Variants in CACNB2 observed in about 807,000 individuals in gnomAD.
CACNB2 encodes the protein voltage-dependent L-type calcium channel subunit beta-2.
A neutral mutation model predicts 73.3 loss-of-function variants in CACNB2; 42 were observed. The observed-to-expected ratio is 0.57, with a 90% CI of 0.45 to 0.74. The LOEUF is 0.74. CACNB2 is among the 30% of genes least tolerant of loss of function. The probability of loss-of-function intolerance (pLI) is 0.00; values close to 1 mark genes in which losing one functional copy is unlikely to be tolerated. For synonymous variants in CACNB2, 348 were observed against 310.3 expected (o/e 1.12, Z -1.28); for missense variants, 940 against 853.0 (o/e 1.10, Z -1.27).
chr10:18,326,665 C>T (rs1435200560), intron 2 of CACNB2, among the ~76,000 whole-genome samples: 5 of 152,182 alleles, frequency 3.3e-5, no homozygotes, highest in Admixed American at 3.3e-4. Context: ...CAGTTTACCC[C>T]TCTGACCACA....
At chr10:18,393,728 A>G (rs1267416505) in intron 2 of CACNB2, among the ~76,000 whole-genome samples, 1 of 152,138 alleles carries the variant, frequency 6.6e-6, no homozygotes, top group Non-Finnish European at 1.5e-5. Flanking sequence ...AAAAACTTAA[A>G]TAGCCGGTGT....
chr10:18,258,269 T>C (rs2037368685), intron 2 of CACNB2, among the ~76,000 whole-genome samples: 1 of 152,206 alleles, frequency 6.6e-6, no homozygotes, highest in African/African-American at 2.4e-5. Flanking sequence ...AAAAATATCA[T>C]AGTTAATAAA....
At chr10:18,215,529 T>G (rs1351107136) in intron 2 of CACNB2, among the ~76,000 whole-genome samples, 1 of 152,196 alleles carries the variant, frequency 6.6e-6, no homozygotes, top group African/African-American at 2.4e-5. Flanking sequence ...TCTAACACAC[T>G]TTGACAAAAT....
intron 2 of CACNB2, among the ~76,000 whole-genome samples, chr10:18,331,606 T>G (rs2040811007): frequency 6.6e-6 from 1 of 152,102 alleles, no homozygotes; most frequent in Non-Finnish European, 1.5e-5. Context: ...CTCCAACATG[T>G]TACTAGAATA....
Position 18,152,709 on chromosome 10 carries a change from C to CAAAAAAAAAAAA in CACNB2, c.213+1746_213+1757dup, listed in dbSNP as rs772732675. On this transcript the variant is annotated intron_variant, in intron 2 of 13. Transcript: ENST00000324631. ...TCATCATGCAGGACCTGAAACAGAC[C>CAAAAAAAAAAAA]AAAAAAAAAAAAAAAAAAAAAAACA... Among the ~76,000 whole-genome samples the CAAAAAAAAAAAA allele has an allele frequency of 9.3e-3, 451 of 48,740 alleles. 2 individuals carry two copies. Among genetic ancestry groups the CAAAAAAAAAAAA allele is most frequent in the Middle Eastern group, 0.019 (1 of 54 alleles). 32.0% of individuals were successfully genotyped at this position (48,740 alleles called of 152,430 possible).
intron 10 of CACNB2, among the ~76,000 whole-genome samples, chr10:18,528,936 C>G (rs2052732883): frequency 6.6e-6 from 1 of 152,064 alleles, no homozygotes; most frequent in Middle Eastern, 3.2e-3. Context: ...ACCTCATGGG[C>G]TCAATCAAAC....
At chr10:18,537,465 T>G (rs1014004514) in intron 12 of CACNB2, among the ~76,000 whole-genome samples, 13 of 152,258 alleles carry the variant, frequency 8.5e-5, no homozygotes, top group African/African-American at 3.1e-4. Flanking sequence ...CTTACCTTAT[T>G]AATTTCTAAA....
Position 18,140,688 on chromosome 10 carries a change from G to C in CACNB2, c.-49G>C, listed in dbSNP as rs768824735. 2.0e-6 allele frequency: 3 copies of C among 1,528,328 alleles called. No homozygotes were observed. The highest frequency in any genetic ancestry group is 2.7e-6 in the Non-Finnish European group (3 of 1,120,230). The allele number at this position is 1,528,328 out of a possible 1,614,324, so 94.7% of individuals were successfully genotyped here. On this transcript the variant is annotated 5_prime_UTR_variant, in exon 1 of 14. Coordinates refer to ENST00000324631, the MANE Select transcript of CACNB2 (RefSeq NM_201596.3). Reference sequence around the variant, plus strand: ...GGGGAGGCGGGGGCGAGGAGGAGGGGACCCGCCGCCGGGGGCTGGCTGCTT... The same window carrying C: ...GGGGAGGCGGGGGCGAGGAGGAGGGCACCCGCCGCCGGGGGCTGGCTGCTT...
At chr10:18,482,905 G>A (rs898012798) in intron 3 of CACNB2, among the ~76,000 whole-genome samples, 9 of 152,136 alleles carry the variant, frequency 5.9e-5, no homozygotes, top group African/African-American at 1.9e-4. Context: ...CTCTAACAAT[G>A]CACCCCAGTC....
chr10:18,167,280 T>C (rs189048274), intron 2 of CACNB2, among the ~76,000 whole-genome samples: 2 of 151,842 alleles, frequency 1.3e-5, no homozygotes, highest in African/African-American at 4.8e-5. Flanking sequence ...ATGGAAACAG[T>C]AGACACTGGG....
At chr10:18,309,150 A>G (rs960485866) in intron 2 of CACNB2, among the ~76,000 whole-genome samples, 2 of 152,216 alleles carry the variant, frequency 1.3e-5, no homozygotes, top group Non-Finnish European at 2.9e-5. Context: ...AAAATATTGA[A>G]TGGTTATTTT....
chr10:18,444,524 C>T (rs2046638438), intron 3 of CACNB2, among the ~76,000 whole-genome samples: 2 of 152,154 alleles, frequency 1.3e-5, no homozygotes, highest in African/African-American at 4.8e-5. Context: ...AATAGAAACT[C>T]TCAGTATCCA....
At chr10:18,481,223 TATATATA>T (rs1170948883) in intron 3 of CACNB2, among the ~76,000 whole-genome samples, 13 of 14,720 alleles carry the variant, frequency 8.8e-4, no homozygotes, top group South Asian at 6.5e-3. Flanking sequence ...TATATATATA[TATATATA>T]TTTTTTTTTT....
At chr10:18,160,339 A>G (rs1017392034) in intron 2 of CACNB2, among the ~76,000 whole-genome samples, 5 of 152,168 alleles carry the variant, frequency 3.3e-5, no homozygotes, top group African/African-American at 9.6e-5. Flanking sequence ...TTCTATGAAG[A>G]TACATCATTT....
At chr10:18,527,741 C>A (rs1220699435) in intron 10 of CACNB2, 44 bp downstream of exon 10, 1 of 1,215,884 alleles carries the variant, frequency 8.2e-7, no homozygotes, top group African/African-American at 1.5e-5. Context: ...CTCTCCTCTC[C>A]CGATGTTGAT....
chr10:18,203,765 T>C (rs1476961523), intron 2 of CACNB2, among the ~76,000 whole-genome samples: 5 of 152,194 alleles, frequency 3.3e-5, no homozygotes, highest in Admixed American at 6.5e-5. Context: ...GTGACTGTTA[T>C]GAAAAGCAGG....
At chr10:18,440,823 G>A (rs2046375672) in intron 3 of CACNB2, among the ~76,000 whole-genome samples, 1 of 152,194 alleles carries the variant, frequency 6.6e-6, no homozygotes, top group African/African-American at 2.4e-5. Context: ...ACAGAGAAAG[G>A]GGAAAGAGAG....
At chr10:18,164,724 G>A (rs2032722314) in intron 2 of CACNB2, among the ~76,000 whole-genome samples, 1 of 151,922 alleles carries the variant, frequency 6.6e-6, no homozygotes, top group Non-Finnish European at 1.5e-5. Flanking sequence ...TCTGTGTTTA[G>A]TCTTTTTTAC....
At chr10:18,367,331 C>G (rs1278603814) in intron 2 of CACNB2, among the ~76,000 whole-genome samples, 3 of 151,692 alleles carry the variant, frequency 2.0e-5, no homozygotes, top group Non-Finnish European at 4.4e-5. Context: ...TGTGCTTGAA[C>G]TTGGATTTTA....
Sources: gnomAD v4.1 joint callset for allele counts (sites outside exome capture counted in the v4.1 genomes callset) on GRCh38, gnomAD v4.1.1 for gene constraint, MANE v1.5 for transcripts, NCBI Gene and HGNC (gene_info 2026-07-23, HGNC 2026-07-21) for gene names.